The following AMOTL1 variants were observed in gnomAD, a reference collection of about 807,000 sequenced individuals.
The protein encoded by AMOTL1 is angiomotin-like protein 1.
Under a neutral mutation model 102.9 loss-of-function variants are expected in AMOTL1, and 45 were observed. The observed-to-expected ratio is 0.44, with a 90% CI of 0.34 to 0.56. The LOEUF (loss-of-function observed/expected upper bound fraction) is 0.56. Ranked by LOEUF, AMOTL1 falls within the 20% of genes least tolerant of loss-of-function variation. The pLI, the probability that AMOTL1 is intolerant of heterozygous loss-of-function variation, is 0.01. For missense variants in AMOTL1, 1,114 were observed against 1,225.6 expected, an observed-to-expected ratio of 0.91 and a Z score of 1.36; for synonymous variants, 481 against 484.7, an observed-to-expected ratio of 0.99 and a Z score of 0.10.
chr11:94,808,483 C>T (rs1016885934), intron 3 of AMOTL1, among the ~76,000 whole-genome samples: 2 of 152,084 alleles, frequency 1.3e-5, no homozygotes, highest in Non-Finnish European at 2.9e-5. Flanking sequence ...TTTTGTCAAA[C>T]AAGCCATTTT....
intron 3 of AMOTL1, among the ~76,000 whole-genome samples, chr11:94,806,028 A>G (rs1378788574): frequency 6.6e-6 from 1 of 152,220 alleles, no homozygotes; most frequent in African/African-American, 2.4e-5. Context: ...AAAATGCATT[A>G]TGCATTTTCC....
At chr11:94,786,499 A>T (rs1326244630) in intron 1 of AMOTL1, among the ~76,000 whole-genome samples, 2 of 152,340 alleles carry the variant, frequency 1.3e-5, no homozygotes, top group African/African-American at 4.8e-5. Context: ...GCTGAGGAGG[A>T]GGGGAGCACG....
chr11:94,821,632 G>T lies in AMOTL1; in HGVS notation c.1224G>T (p.Pro408=). 4 of 1,613,724 alleles carry T rather than the reference G, an allele frequency of 2.5e-6. No homozygotes were observed. Among genetic ancestry groups the T allele is most frequent in the Non-Finnish European group, 3.4e-6 (4 of 1,179,826 alleles). ...ASGPLHSVSL[P]LPLPMALGAP... is the part of the protein sequence containing the mutation. The stretch of plus-strand genomic sequence containing the variant: ...GGCCACTGCACTCTGTCTCCCTGCC[G>T]CTTCCACTCCCGATGGCCCTGGGTG... Residue 408 remains proline (P), a synonymous_variant, in exon 4 of 13, where the codon CCG becomes CCT. Transcript: ENST00000433060.
chr11:94,712,887 G>A (rs1230154747), intron 1 of AMOTL1, among the ~76,000 whole-genome samples: 1 of 151,866 alleles, frequency 6.6e-6, no homozygotes, highest in East Asian at 1.9e-4. Context: ...TGCTTTTAGT[G>A]CAAAGCATAA....
chr11:94,864,657 T>C, intron 9 of AMOTL1, 78 bp from the exon 10 acceptor site: 1 of 1,552,080 alleles, frequency 6.4e-7, no homozygotes. Flanking sequence ...AACACCAGCC[T>C]CTCCATTCTG....
intron 1 of AMOTL1, among the ~76,000 whole-genome samples, chr11:94,728,721 C>T (rs1591901359): frequency 1.3e-5 from 2 of 152,076 alleles, no homozygotes; most frequent in South Asian, 2.1e-4. Context: ...TATTTGTTAA[C>T]TGAATGGTGA....
intron 6 of AMOTL1, among the ~76,000 whole-genome samples, chr11:94,842,185 C>G (rs1952316056): frequency 6.6e-6 from 1 of 152,186 alleles, no homozygotes; most frequent in Admixed American, 6.5e-5. Context: ...ATTCAATAAG[C>G]TGTTGCCTAA....
In AMOTL1 at chr11:94,869,212, A is replaced by G; in HGVS notation, c.2503A>G (p.Lys835Glu). The G allele has an allele frequency of 6.3e-7, 1 of 1,595,352 alleles. No homozygotes were observed. The highest frequency in any genetic ancestry group is 8.6e-7 in the Non-Finnish European group (1 of 1,166,124). The part of the protein sequence containing the change: ...WKGSIGLLLG[K>E]EHHEHASAPL... ...TCTGCCCTCAGGATTGCTGCTGGGGAAGGAGCACCATGAGCATGCCTCTGC... is the reference window on the plus strand; with the variant it reads ...TCTGCCCTCAGGATTGCTGCTGGGGGAGGAGCACCATGAGCATGCCTCTGC... Residue 835 changes from lysine (K) to glutamate (E), a missense_variant, in exon 12 of 13, where the codon AAG (lysine) becomes GAG (glutamate). By Grantham distance (56) the Lys-to-Glu change is moderately conservative (BLOSUM62 1). Transcript: ENST00000433060.
chr11:94,797,071 C>G (rs1425384929), intron 2 of AMOTL1: 1 of 947,694 alleles, frequency 1.1e-6, no homozygotes, highest in Non-Finnish European at 1.3e-6. Flanking sequence ...TTTGAGAATG[C>G]CATTTATAGG....
intron 1 of AMOTL1, among the ~76,000 whole-genome samples, chr11:94,714,145 T>C (rs1565323719): frequency 1.3e-5 from 2 of 152,088 alleles, no homozygotes; most frequent in African/African-American, 2.4e-5. Flanking sequence ...AGTATGATCA[T>C]GTGATTTTTT....
intron 3 of AMOTL1, among the ~76,000 whole-genome samples, chr11:94,748,339 AGTG>A (rs1241081304): frequency 6.6e-6 from 1 of 152,218 alleles, no homozygotes; most frequent in Non-Finnish European, 1.5e-5. Context: ...GGAGAAGGAA[AGTG>A]GTGGGCACAA....
At chr11:94,822,090 A>T (rs1951877920) in intron 4 of AMOTL1, among the ~76,000 whole-genome samples, 1 of 152,114 alleles carries the variant, frequency 6.6e-6, no homozygotes, top group Non-Finnish European at 1.5e-5. Context: ...TTGACCGGAG[A>T]CTCAGAGGCT....
intron 4 of AMOTL1, among the ~76,000 whole-genome samples, chr11:94,826,873 T>C (rs1346650312): frequency 6.6e-6 from 1 of 152,200 alleles, no homozygotes. Flanking sequence ...TGTTCTGAAC[T>C]AAGATCCTTG....
chr11:94,837,837 A>G (rs946844218), intron 6 of AMOTL1, among the ~76,000 whole-genome samples: 5 of 152,216 alleles, frequency 3.3e-5, no homozygotes, highest in Non-Finnish European at 7.3e-5. Flanking sequence ...TTCCTGTTAT[A>G]TATAAGGCTG....
intron 3 of AMOTL1, among the ~76,000 whole-genome samples, chr11:94,818,735 G>A (rs902961414): frequency 3.3e-5 from 5 of 151,948 alleles, no homozygotes; most frequent in Admixed American, 1.3e-4. Flanking sequence ...CTGGCTACAC[G>A]TCTCCAAAGT....
intron 3 of AMOTL1, among the ~76,000 whole-genome samples, chr11:94,749,815 A>G (rs543148552): frequency 8.5e-5 from 13 of 152,300 alleles, no homozygotes; most frequent in East Asian, 1.9e-4. Flanking sequence ...TCTGTCTGAT[A>G]CCTCCAAGTA....
chr11:94,735,788 C>A (rs1950431534), intron 2 of AMOTL1, among the ~76,000 whole-genome samples: 1 of 152,110 alleles, frequency 6.6e-6, no homozygotes, highest in South Asian at 2.1e-4. Context: ...GGAAAGGAGA[C>A]TTTTATTTTT....
chr11:94,840,656 A>G (rs983654261), intron 6 of AMOTL1, among the ~76,000 whole-genome samples: 9 of 58,344 alleles, frequency 1.5e-4, no homozygotes, highest in East Asian at 8.5e-4. Context: ...TAAAAAACGT[A>G]TATATATATA....
intron 3 of AMOTL1, among the ~76,000 whole-genome samples, chr11:94,809,702 G>A (rs926670407): frequency 5.3e-5 from 8 of 152,180 alleles, no homozygotes; most frequent in Admixed American, 3.3e-4. Context: ...TAAATATTAA[G>A]CCACTTTACC....
Sources: gnomAD v4.1 joint callset for allele counts (sites outside exome capture counted in the v4.1 genomes callset) on GRCh38, gnomAD v4.1.1 for gene constraint, MANE v1.5 for transcripts, NCBI Gene and HGNC (gene_info 2026-07-23, HGNC 2026-07-21) for gene names.